TAS1R1: variants seen among roughly 807,000 people sequenced by gnomAD.
TAS1R1 encodes the protein taste 1 receptor member 1.
Under a neutral mutation model 45.8 loss-of-function variants are expected in TAS1R1, and 31 were observed. That is an observed-to-expected ratio of 0.68 (90% CI 0.51 to 0.91). The LOEUF (loss-of-function observed/expected upper bound fraction) is 0.91. Among genes scored for constraint, TAS1R1 ranks in the 40% least tolerant of loss-of-function variants. The pLI is 0.00. For missense variants in TAS1R1, 1,051 were observed against 1,063.9 expected (o/e 0.99, Z 0.17); for synonymous variants, 437 against 448.4 (o/e 0.97, Z 0.32).
chr1:6,573,394 T>C (rs1640070738), intron 2 of TAS1R1, among the ~76,000 whole-genome samples: 1 of 151,772 alleles, frequency 6.6e-6, no homozygotes, highest in South Asian at 2.1e-4. Context: ...GAGGCAGGGG[T>C]TGCAGTGAGC....
Position 6,574,065 on chromosome 1 carries a change from G to A in TAS1R1, c.499-566G>A, listed in dbSNP as rs1015380665. 2.0e-5 allele frequency among the ~76,000 whole-genome samples: 3 copies of A among 152,198 alleles called. No homozygotes were observed. The highest frequency in any genetic ancestry group is 7.2e-5 in the African/African-American group (3 of 41,432). On this transcript the variant is annotated intron_variant, in intron 2 of 5. Transcript: ENST00000333172. This position sits in a 1 kb window ranked among gnomAD's most constrained non-coding sequence, Gnocchi z 4.3. ...TACAACTAGATGGTCCCATCTGGGG[G>A]TGATGGGAGACAGTGACAGATCATC...
chr1:6,576,369 G>A, intron 3 of TAS1R1, 46 bp from the exon 4 acceptor site: 1 of 1,592,956 alleles, frequency 6.3e-7, no homozygotes, highest in Non-Finnish European at 8.6e-7. Flanking sequence ...GGGACCATGT[G>A]GGTCTGTGCT....
Position 6,579,502 on chromosome 1 carries a change from T to A in TAS1R1, c.2444T>A (p.Ile815Asn). ...GGYFLPKCYV[I>N]LCRPDLNSTE... ...TATTTTCTGCCTAAGTGCTACGTGA[T>A]CCTCTGCCGCCCAGACCTCAACAGC... The change falls in exon 6 of 6, where the codon ATC becomes AAC. Residue 815 changes from isoleucine to asparagine, a missense_variant. Physicochemically the swap from Ile to Asn is moderately radical, Grantham distance 149. Coordinates refer to ENST00000333172, the MANE Select transcript of TAS1R1 (RefSeq NM_138697.4). The A allele has an allele frequency of 6.2e-7, 1 of 1,613,932 alleles. No individual in the cohort carries two copies. Among genetic ancestry groups the A allele is most frequent in the Non-Finnish European group, 8.5e-7 (1 of 1,180,038 alleles).
chr1:6,555,410 C>G lies in TAS1R1; in HGVS notation c.37C>G (p.Leu13Val), dbSNP rs1639655901. Residue 13 changes from leucine (L) to valine (V), a missense_variant, in exon 1 of 6, where the codon CTT becomes GTT. Transcript: ENST00000333172. ...LCTARLVGLQ[L>V]LISCCWAFAC... is the part of the protein sequence containing the mutation. ...CACGGCTCGCCTGGTCGGCCTGCAG[C>G]TTCTCATTTCCTGCTGCTGGGCCTT... 2 of 1,606,386 alleles carry G rather than the reference C, an allele frequency of 1.2e-6. No individual in the cohort carries two copies. The highest frequency in any genetic ancestry group is 1.7e-6 in the Non-Finnish European group (2 of 1,177,494).
chr1:6,576,974 G>T lies in TAS1R1; in HGVS notation c.1498G>T (p.Asp500Tyr). Residue 500 changes from aspartate (D) to tyrosine (Y), a missense_variant, in exon 5 of 6, where the codon GAC (aspartate) becomes TAC (tyrosine). By Grantham distance (160) the Asp-to-Tyr change is radical. Transcript: ENST00000333172. ...NQVPKSVCSS[D>Y]CLEGHQRVVT... ...GGTGCCTAAGTCTGTGTGTTCCAGC[G>T]ACTGTCTTGAAGGGCACCAGCGAGT... 1.2e-6 allele frequency: 2 copies of T among 1,614,234 alleles called. No individual in the cohort carries two copies. Among genetic ancestry groups the T allele is most frequent in the Non-Finnish European group, 1.7e-6 (2 of 1,180,038 alleles).
rs1313442840 is a variant in TAS1R1, at chr1:6,579,496, A to C, written c.2438A>C (p.Tyr813Ser). 1.9e-6 allele frequency: 3 copies of C among 1,613,844 alleles called. No homozygotes were observed. Among genetic ancestry groups the C allele is most frequent in the Non-Finnish European group, 2.5e-6 (3 of 1,180,022 alleles). Residue 813 changes from tyrosine (Y) to serine (S), a missense_variant, in exon 6 of 6, where the codon TAC becomes TCC. Transcript: ENST00000333172. ...GGTGGGTATTTTCTGCCTAAGTGCTACGTGATCCTCTGCCGCCCAGACCTC... is the reference window on the plus strand; with the variant it reads ...GGTGGGTATTTTCTGCCTAAGTGCTCCGTGATCCTCTGCCGCCCAGACCTC... ...GFGGYFLPKC[Y>S]VILCRPDLNS... is the part of the protein sequence containing the mutation.
intron 1 of TAS1R1, among the ~76,000 whole-genome samples, chr1:6,570,024 G>GGGAGAGAGAGAGAGAGAGA (rs1639970987): frequency 3.1e-5 from 1 of 32,382 alleles, no homozygotes; most frequent in South Asian, 1.4e-3. Flanking sequence ...GGAGGGAGGG[G>GGGAGAGAGAGAGAGAGAGA]GAGAGAGAGA....
chr1:6,565,242 T>C (rs1639854018), intron 1 of TAS1R1, among the ~76,000 whole-genome samples: 1 of 151,954 alleles, frequency 6.6e-6, no homozygotes, highest in Non-Finnish European at 1.5e-5. Context: ...GAGACAGAAC[T>C]CAGGGTTTTC....
chr1:6,568,249 A>G (rs1410640713), intron 1 of TAS1R1, among the ~76,000 whole-genome samples: 1 of 151,936 alleles, frequency 6.6e-6, no homozygotes, highest in African/African-American at 2.4e-5. Flanking sequence ...GGATATTGAG[A>G]CCATCCTGGC....
chr1:6,575,937 G>A (rs987181653), intron 3 of TAS1R1, among the ~76,000 whole-genome samples: 16 of 151,944 alleles, frequency 1.1e-4, no homozygotes, highest in African/African-American at 3.6e-4. Flanking sequence ...CTTGTCATCC[G>A]CCCACCTCGT....
intron 1 of TAS1R1, among the ~76,000 whole-genome samples, chr1:6,567,452 T>C (rs12751023): frequency 0.94 from 142,729 of 151,444 alleles, 67,561 homozygotes; most frequent in Non-Finnish European, 0.99. Flanking sequence ...CCCAGCTACT[T>C]GGGAGGCTGA....
chr1:6,575,350 T>C lies in TAS1R1; in HGVS notation c.1218T>C (p.Cys406=). 1 of 1,601,240 alleles carries C rather than the reference T, an allele frequency of 6.2e-7. No homozygotes were observed. The highest frequency in any genetic ancestry group is 8.5e-7 in the Non-Finnish European group (1 of 1,174,806). ...ATGGCCTCCACCAGCTCCTGGGCTGTGCCTCTGGAGCTTGTTCCAGGGGCC... is the reference window on the plus strand; with the variant it reads ...ATGGCCTCCACCAGCTCCTGGGCTGCGCCTCTGGAGCTTGTTCCAGGGGCC... ...VAHGLHQLLG[C]ASGACSRGRV... Residue 406 remains cysteine, a synonymous_variant, in exon 3 of 6, where the codon TGT becomes TGC. Coordinates refer to ENST00000333172, the MANE Select transcript of TAS1R1 (RefSeq NM_138697.4).
rs367637271 is a variant in TAS1R1 at position 6,575,140 on chromosome 1, G to A, written c.1008G>A (p.Ala336=). 149 of 1,585,146 alleles carry A rather than the reference G, an allele frequency of 9.4e-5. No homozygotes were observed. Among genetic ancestry groups the A allele is most frequent in the South Asian group, 3.5e-4 (30 of 86,130 alleles). ...IQKRAVPGLK[A]FEEAYARADK... is the part of the protein sequence containing the mutation. ...AGAGGGCTGTCCCTGGCCTGAAGGC[G>A]TTTGAAGAAGCCTATGCCCGGGCAG... The change falls in exon 3 of 6, where the codon GCG becomes GCA. Residue 336 remains alanine (A), a synonymous_variant. Transcript: ENST00000333172.
intron 1 of TAS1R1, among the ~76,000 whole-genome samples, chr1:6,564,236 T>G (rs1185552972): frequency 6.6e-6 from 1 of 152,094 alleles, no homozygotes; most frequent in Non-Finnish European, 1.5e-5. Flanking sequence ...CACTTAGACC[T>G]GGGGCTGGTT....
intron 1 of TAS1R1, among the ~76,000 whole-genome samples, chr1:6,562,397 C>T (rs1040964718): frequency 1.6e-4 from 24 of 152,110 alleles, no homozygotes; most frequent in Non-Finnish European, 2.5e-4. Context: ...CTCAATCTCC[C>T]AACCTAGTGA....
At chr1:6,565,410 GCT>G (rs1639856828) in intron 1 of TAS1R1, among the ~76,000 whole-genome samples, 1 of 152,126 alleles carries the variant, frequency 6.6e-6, no homozygotes, top group African/African-American at 2.4e-5. Context: ...TGCTGCTAGA[GCT>G]CTGAGGCAAG....
At chr1:6,563,534 G>T (rs1280481144) in intron 1 of TAS1R1, among the ~76,000 whole-genome samples, 1 of 152,198 alleles carries the variant, frequency 6.6e-6, no homozygotes, top group Non-Finnish European at 1.5e-5. Context: ...CATAACGGGG[G>T]TGACAGTTTA....
chr1:6,566,404 G>C (rs1267621003), intron 1 of TAS1R1, among the ~76,000 whole-genome samples: 2 of 152,124 alleles, frequency 1.3e-5, no homozygotes, highest in Non-Finnish European at 2.9e-5. Flanking sequence ...AGGGTGAATA[G>C]GAGGACTGCC....
In TAS1R1 at chr1:6,578,981, T is replaced by C; in HGVS notation, c.1923T>C (p.Gly641=). The change falls in exon 6 of 6, where the codon GGT becomes GGC. Residue 641 remains glycine, a synonymous_variant. Transcript: ENST00000333172. The stretch of plus-strand genomic sequence containing the variant: ...TACGCCAGGCCCTCTTTGCCCTTGG[T>C]TTCACCATCTTCCTGTCCTGCCTGA... ...CLLRQALFAL[G]FTIFLSCLTV... The C allele has an allele frequency of 6.2e-7, 1 of 1,614,124 alleles. No homozygotes were observed. The highest frequency in any genetic ancestry group is 1.1e-5 in the South Asian group (1 of 91,064).
Sources: allele counts gnomAD v4.1 joint callset (sites outside exome capture counted in the v4.1 genomes callset), GRCh38; gene constraint gnomAD v4.1.1; non-coding constraint Gnocchi (gnomAD v3.1); transcripts MANE v1.5; gene names NCBI Gene and HGNC (gene_info 2026-07-23, HGNC 2026-07-21).